The following TIGD2 variants were observed in gnomAD, a reference collection of about 807,000 sequenced individuals.
The protein encoded by TIGD2 is tigger transposable element derived 2, also known as tigger transposable element-derived protein 2.
A neutral mutation model predicts 27.0 loss-of-function variants in TIGD2; 14 were observed. That is an observed-to-expected ratio of 0.52 (90% CI 0.34 to 0.81). TIGD2 has a LOEUF of 0.81. Ranked by LOEUF, TIGD2 falls within the 30% of genes least tolerant of loss-of-function variation. The pLI is 0.01. For missense variants in TIGD2, 590 were observed against 617.3 expected, an observed-to-expected ratio of 0.96 and a Z score of 0.47; for synonymous variants, 201 against 209.0, an observed-to-expected ratio of 0.96 and a Z score of 0.33.
chr4:89,114,753 T>A lies in TIGD2; in HGVS notation c.*201T>A. On this transcript the variant is annotated 3_prime_UTR_variant, in exon 2 of 2. Transcript: ENST00000603357. ...GGCATTGACGTGTAACTTGTCTTTC[T>A]ACTGTTTCTAATATCTATTAATTAG... The A allele has an allele frequency of 1.8e-6, 1 of 544,814 alleles. No homozygotes were observed. The highest frequency in any genetic ancestry group is 3.3e-6 in the Non-Finnish European group (1 of 306,812). The allele number at this position is 544,814 out of a possible 1,614,324, so 33.7% of individuals were successfully genotyped here. A position where few individuals can be genotyped will look rare whatever the true frequency, so the allele number is the denominator to read the frequency against.
At position 89,113,490 on chromosome 4, in the gene TIGD2, A is replaced by G. The variant is rs762296031; in HGVS notation, c.516A>G (p.Gln172=). 1 of 1,614,006 alleles carries G rather than the reference A, an allele frequency of 6.2e-7. No individual in the cohort carries two copies. Among genetic ancestry groups the G allele is most frequent in the Non-Finnish European group, 8.5e-7 (1 of 1,179,894 alleles). Residue 172 remains glutamine, a synonymous_variant, in exon 2 of 2, where the codon CAA becomes CAG. Coordinates refer to ENST00000603357, the MANE Select transcript of TIGD2 (RefSeq NM_145715.3). ...AAAAAGAGAATCTACAACCAGAGCA[A>G]ATTTATGGTGCTGATCAAACTGGAT... ...FVEKENLQPE[Q]IYGADQTGLF...
In TIGD2 at chr4:89,111,746, G is replaced by C. The variant is rs1394587932; in HGVS notation, c.-1046G>C. Reference sequence around the variant, plus strand: ...GCCCGCTGGCTGGCTGGCTGCAGCAGTGACATCCTGGTCGCCGGCGTCCAG... The same window carrying C: ...GCCCGCTGGCTGGCTGGCTGCAGCACTGACATCCTGGTCGCCGGCGTCCAG... On this transcript the variant is annotated 5_prime_UTR_variant, in exon 1 of 2. Coordinates refer to ENST00000603357, the MANE Select transcript of TIGD2 (RefSeq NM_145715.3). 2 of 152,220 alleles carry C rather than the reference G, an allele frequency of 1.3e-5. No individual in the cohort carries two copies. The highest frequency in any genetic ancestry group is 3.9e-4 in the East Asian group (2 of 5,172). The allele number at this position is 152,220 out of a possible 1,614,324, so 9.4% of individuals were successfully genotyped here. A position where few individuals can be genotyped will look rare whatever the true frequency, so the allele number is the denominator to read the frequency against.
Position 89,113,868 on chromosome 4 carries a change from A to C in TIGD2, c.894A>C (p.Pro298=), listed in dbSNP as rs1221922625. The change falls in exon 2 of 2, where the codon CCA becomes CCC. Residue 298 remains proline, a synonymous_variant. Transcript: ENST00000603357. ...TTTTAGATTTCCCCCCAGCACGTCC[A>C]AATGAAGAAATGTTGAGTTCAGATG... ...VLLLDFPPAR[P]NEEMLSSDDG... 6 of 1,614,254 alleles carry C rather than the reference A, an allele frequency of 3.7e-6. No homozygotes were observed. The highest frequency in any genetic ancestry group is 5.1e-6 in the Non-Finnish European group (6 of 1,180,044).
At position 89,113,559 on chromosome 4, in the gene TIGD2, T is replaced by C. The variant is rs1384922488; in HGVS notation, c.585T>C (p.Thr195=). 6.2e-7 allele frequency: 1 copy of C among 1,614,188 alleles called. No individual in the cohort carries two copies. The highest frequency in any genetic ancestry group is 2.2e-5 in the East Asian group (1 of 44,884). The change falls in exon 2 of 2, where the codon ACT becomes ACC. Residue 195 remains threonine (T), a synonymous_variant. Transcript: ENST00000603357. ...CLPSRTLTLE[T]DQSTSGCRSS... ...CATCAAGGACATTAACTCTTGAAAC[T>C]GACCAAAGTACTTCTGGGTGTAGGT...
chr4:89,111,208 C>T (rs1721033754), upstream of TIGD2: 1 of 985,556 alleles, frequency 1.0e-6, no homozygotes, highest in Non-Finnish European at 1.2e-6. Context: ...GAGGATCCTC[C>T]GCTTTCCCCC....
Position 89,114,205 on chromosome 4 carries a change from G to T in TIGD2, c.1231G>T (p.Ala411Ser). The change falls in exon 2 of 2, where the codon GCA becomes TCA. Residue 411 changes from alanine to serine, a missense_variant. Physicochemically the swap from Ala to Ser is moderately conservative, Grantham distance 99. Around this residue, in one of 3 missense-constraint regions of TIGD2, gnomAD observed 451 missense variants for 448.0 expected, o/e 1.01. Coordinates refer to ENST00000603357, the MANE Select transcript of TIGD2 (RefSeq NM_145715.3). ...AGGAGCCATTTTAGCAGCTAATTTAGCAACAGTTTTACAGAACACAGAAGA... is the reference window on the plus strand; with the variant it reads ...AGGAGCCATTTTAGCAGCTAATTTATCAACAGTTTTACAGAACACAGAAGA... ...DEGAILAANL[A>S]TVLQNTEECE... is the part of the protein sequence containing the mutation. 1 of 1,614,188 alleles carries T rather than the reference G, an allele frequency of 6.2e-7. No homozygotes were observed. The highest frequency in any genetic ancestry group is 8.5e-7 in the Non-Finnish European group (1 of 1,180,032).
At position 89,113,472 on chromosome 4, in the gene TIGD2, G is replaced by A. The variant is rs1402215216; in HGVS notation, c.498G>A (p.Glu166=). The change falls in exon 2 of 2, where the codon GAG becomes GAA. Residue 166 remains glutamate (E), a synonymous_variant. Coordinates refer to ENST00000603357, the MANE Select transcript of TIGD2 (RefSeq NM_145715.3). ...CGSFQEFVEK[E]NLQPEQIYGA... is the part of the protein sequence containing the mutation. Reference sequence around the variant, plus strand: ...GCTTTCAGGAATTTGTTGAAAAAGAGAATCTACAACCAGAGCAAATTTATG... The same window carrying A: ...GCTTTCAGGAATTTGTTGAAAAAGAAAATCTACAACCAGAGCAAATTTATG... The A allele has an allele frequency of 6.2e-7, 1 of 1,613,964 alleles. No individual in the cohort carries two copies. The highest frequency in any genetic ancestry group is 2.2e-5 in the East Asian group (1 of 44,888).
In TIGD2 at chr4:89,113,552, T is replaced by C; in HGVS notation, c.578T>C (p.Leu193Pro). Residue 193 changes from leucine to proline, a missense_variant, in exon 2 of 2, where the codon CTT (leucine) becomes CCT (proline). Leu to Pro is a moderately conservative substitution (Grantham distance 98, BLOSUM62 -3). This residue lies in a region of TIGD2 where 451 missense variants were observed against 448.0 expected (regional missense o/e 1.01). Transcript: ENST00000603357. ...WKCLPSRTLTLETDQSTSGCR... is the reference protein window; with the variant it reads ...WKCLPSRTLTPETDQSTSGCR... Reference sequence around the variant, plus strand: ...TGTCTACCATCAAGGACATTAACTCTTGAAACTGACCAAAGTACTTCTGGG... The same window carrying C: ...TGTCTACCATCAAGGACATTAACTCCTGAAACTGACCAAAGTACTTCTGGG... 1 of 1,614,166 alleles carries C rather than the reference T, an allele frequency of 6.2e-7. No individual in the cohort carries two copies. Among genetic ancestry groups the C allele is most frequent in the Non-Finnish European group, 8.5e-7 (1 of 1,180,030 alleles).
Position 89,114,546 on chromosome 4 carries a change from T to G in TIGD2, c.1572T>G (p.Asn524Lys), listed in dbSNP as rs148935160. The G allele has an allele frequency of 3.5e-5, 55 of 1,580,468 alleles. No homozygotes were observed. In the African/African-American group the frequency reaches 5.3e-4, roughly 15 times the overall value. The change falls in exon 2 of 2, where the codon AAT (asparagine) becomes AAG (lysine). Residue 524 changes from asparagine (N) to lysine (K), a missense_variant. Asn to Lys is a moderately conservative substitution (Grantham distance 94). Transcript: ENST00000603357. ...AACAGAAGATCCAAAATAACAAAAA[T>G]CATTAATAAGGCTCTTAAGTATTTC... ...RKKQKIQNNK[N>K]H
chr4:89,111,664 G>A lies in TIGD2; in HGVS notation c.-1128G>A, dbSNP rs1361339646. 3.3e-5 allele frequency: 5 copies of A among 152,262 alleles called. No individual in the cohort carries two copies. The highest frequency in any genetic ancestry group is 2.6e-4 in the Admixed American group (4 of 15,288). 9.4% of individuals were successfully genotyped at this position (152,262 alleles called of 1,614,324 possible). A position where few individuals can be genotyped will look rare whatever the true frequency, so the allele number is the denominator to read the frequency against. On this transcript the variant is annotated 5_prime_UTR_variant, in exon 1 of 2. Coordinates refer to ENST00000603357, the MANE Select transcript of TIGD2 (RefSeq NM_145715.3). The stretch of plus-strand genomic sequence containing the variant: ...TTAGTGTGGTCTGGGCGCCGCGCAG[G>A]CGGTCCCAGGGCGATGCCCGGGGCC...
At position 89,114,150 on chromosome 4, in the gene TIGD2, T is replaced by G. The variant is rs1721166724; in HGVS notation, c.1176T>G (p.Asn392Lys). The change falls in exon 2 of 2, where the codon AAT (asparagine) becomes AAG (lysine). Residue 392 changes from asparagine to lysine, a missense_variant. Coordinates refer to ENST00000603357, the MANE Select transcript of TIGD2 (RefSeq NM_145715.3). ...CATGGAAAAAACTTTTCCCTGGCAA[T>G]GAAGAGAATTCAGGTATGAACATTG... ...TKAWKKLFPGNEENSGMNIDE... is the reference protein window; with the variant it reads ...TKAWKKLFPGKEENSGMNIDE... 6.2e-7 allele frequency: 1 copy of G among 1,613,986 alleles called. No individual in the cohort carries two copies. Among genetic ancestry groups the G allele is most frequent in the Admixed American group, 1.7e-5 (1 of 59,996 alleles).
chr4:89,114,233 G>T lies in TIGD2; in HGVS notation c.1259G>T (p.Cys420Phe), dbSNP rs1270515665. Residue 420 changes from cysteine (C) to phenylalanine (F), a missense_variant, in exon 2 of 2, where the codon TGT becomes TTT. Around this residue, in one of 3 missense-constraint regions of TIGD2, gnomAD observed 451 missense variants for 448.0 expected, o/e 1.01. Coordinates refer to ENST00000603357, the MANE Select transcript of TIGD2 (RefSeq NM_145715.3). The stretch of plus-strand genomic sequence containing the variant: ...ACAGTTTTACAGAACACAGAAGAAT[G>T]TGAACATGTTGACATTGAGAATATT... Reference protein sequence around the residue: ...LATVLQNTEECEHVDIENIDQ... With the variant: ...LATVLQNTEEFEHVDIENIDQ... 19 of 1,614,174 alleles carry T rather than the reference G, an allele frequency of 1.2e-5. No individual in the cohort carries two copies. In the East Asian group the frequency reaches 1.6e-4, roughly 13 times the overall value.
chr4:89,112,795 G>T lies in TIGD2; in HGVS notation c.-180G>T. ...CGCTAGGCTTTGTTGTAGGAAGTTT[G>T]TAAGTTTTAAAATAGCAAGTAGATT... On this transcript the variant is annotated 5_prime_UTR_variant, in exon 2 of 2. Coordinates refer to ENST00000603357, the MANE Select transcript of TIGD2 (RefSeq NM_145715.3). The T allele has an allele frequency of 3.6e-6, 2 of 560,002 alleles. No individual in the cohort carries two copies. Among genetic ancestry groups the T allele is most frequent in the South Asian group, 2.7e-5 (1 of 37,254 alleles). The allele number at this position is 560,002 out of a possible 1,614,324, so 34.7% of individuals were successfully genotyped here. A position where few individuals can be genotyped will look rare whatever the true frequency, so the allele number is the denominator to read the frequency against.
In TIGD2 at chr4:89,112,851, A is replaced by G; in HGVS notation, c.-124A>G. 2 of 789,642 alleles carry G rather than the reference A, an allele frequency of 2.5e-6. No homozygotes were observed. Among genetic ancestry groups the G allele is most frequent in the Non-Finnish European group, 3.9e-6 (2 of 508,378 alleles). 48.9% of individuals were successfully genotyped at this position (789,642 alleles called of 1,614,324 possible). On this transcript the variant is annotated 5_prime_UTR_variant, in exon 2 of 2. Coordinates refer to ENST00000603357, the MANE Select transcript of TIGD2 (RefSeq NM_145715.3). Reference sequence around the variant, plus strand: ...AGACCTTGTCAGGAAATTGGTCACTATCCATCTAGGCCCTAGAAGTGAGAG... The same window carrying G: ...AGACCTTGTCAGGAAATTGGTCACTGTCCATCTAGGCCCTAGAAGTGAGAG...
Position 89,113,113 on chromosome 4 carries a change from A to G in TIGD2, c.139A>G (p.Lys47Glu). ...IGESTVRDIK[K>E]NKERIINYAN... ...TGAATCCACAGTTCGTGATATTAAA[A>G]AGAACAAAGAAAGGATTATAAACTA... is the stretch of plus-strand genomic sequence containing the variant. Residue 47 changes from lysine to glutamate, a missense_variant, in exon 2 of 2, where the codon AAG becomes GAG. This residue lies in a region of TIGD2 where 92 missense variants were observed against 89.6 expected (regional missense o/e 1.03). Coordinates refer to ENST00000603357, the MANE Select transcript of TIGD2 (RefSeq NM_145715.3). 6.2e-7 allele frequency: 1 copy of G among 1,614,050 alleles called. No homozygotes were observed. Among genetic ancestry groups the G allele is most frequent in the Non-Finnish European group, 8.5e-7 (1 of 1,180,008 alleles).
Position 89,113,180 on chromosome 4 carries a change from A to T in TIGD2, c.206A>T (p.Lys69Ile). 1.2e-6 allele frequency: 2 copies of T among 1,614,090 alleles called. No individual in the cohort carries two copies. The highest frequency in any genetic ancestry group is 1.7e-6 in the Non-Finnish European group (2 of 1,180,028). Reference sequence around the variant, plus strand: ...CCTACCAGTGGAGTATCCAAACGTAAATCTATGAAGTCATCAACATACGAG... The same window carrying T: ...CCTACCAGTGGAGTATCCAAACGTATATCTATGAAGTCATCAACATACGAG... ...SDPTSGVSKR[K>I]SMKSSTYEEL... Residue 69 changes from lysine to isoleucine, a missense_variant, in exon 2 of 2, where the codon AAA becomes ATA. Lys to Ile is a moderately radical substitution (Grantham distance 102). This residue lies in a region of TIGD2 where 92 missense variants were observed against 89.6 expected (regional missense o/e 1.03). Transcript: ENST00000603357.
rs775552266 is a variant in TIGD2, at chr4:89,113,802, G to A, written c.828G>A (p.Lys276=). The stretch of plus-strand genomic sequence containing the variant: ...AGTACTTTGTGCCACAGGTACAGAA[G>A]CATTTGAAATCCAAGGGACTTTTAG... ...FEKYFVPQVQ[K]HLKSKGLLEK... Residue 276 remains lysine, a synonymous_variant, in exon 2 of 2, where the codon AAG becomes AAA. Coordinates refer to ENST00000603357, the MANE Select transcript of TIGD2 (RefSeq NM_145715.3). 6.2e-7 allele frequency: 1 copy of A among 1,614,184 alleles called. No individual in the cohort carries two copies. The highest frequency in any genetic ancestry group is 8.5e-7 in the Non-Finnish European group (1 of 1,180,050).
In TIGD2 at chr4:89,112,739, G is replaced by T; in HGVS notation, c.-236G>T. On this transcript the variant is annotated 5_prime_UTR_variant, in exon 2 of 2. In the 5' UTR this introduces an upstream ATG that the reference lacks. Coordinates refer to ENST00000603357, the MANE Select transcript of TIGD2 (RefSeq NM_145715.3). The stretch of plus-strand genomic sequence containing the variant: ...CATGAAAGACCCTGAACCCTGAGGA[G>T]GAAGAAAGATAGAAGATAAGAGTTA... 2.2e-6 allele frequency: 1 copy of T among 451,544 alleles called. No homozygotes were observed. The highest frequency in any genetic ancestry group is 3.9e-6 in the Non-Finnish European group (1 of 257,436). The allele number at this position is 451,544 out of a possible 1,614,324, so 28.0% of individuals were successfully genotyped here.
rs763383072 is a variant in TIGD2, at chr4:89,114,336, C to G, written c.1362C>G (p.Thr454=). The change falls in exon 2 of 2, where the codon ACC becomes ACG. Residue 454 remains threonine, a synonymous_variant. Transcript: ENST00000603357. ...ACAGTGAAAGTGCTGAGGACCAGAC[C>G]AAGGCTGCTGAGCAAAAGCCTTCCA... The part of the protein sequence containing the change: ...LTDSESAEDQ[T]KAAEQKPSSK... 1 of 1,614,014 alleles carries G rather than the reference C, an allele frequency of 6.2e-7. No homozygotes were observed. Among genetic ancestry groups the G allele is most frequent in the Non-Finnish European group, 8.5e-7 (1 of 1,179,994 alleles).
Sources: gnomAD v4.1 joint callset for allele counts on GRCh38, gnomAD v4.1.1 for gene constraint, gnomAD v4.1.1 regional missense constraint, MANE v1.5 for transcripts, NCBI Gene and HGNC (gene_info 2026-07-23, HGNC 2026-07-21) for gene names.